Variants in NUS1 observed in about 807,000 individuals in gnomAD.
The protein encoded by NUS1 is dehydrodolichyl diphosphate synthase complex subunit NUS1.
For missense variants in NUS1, 292 were observed against 382.9 expected (o/e 0.76, Z 1.98); for synonymous variants, 135 against 155.2 (o/e 0.87, Z 0.97).
At chr6:117,703,420 T>A (rs943609286) in intron 3 of NUS1, among the ~76,000 whole-genome samples, 185 bp from the exon 4 acceptor site, 1 of 152,176 alleles carries the variant, frequency 6.6e-6, no homozygotes, top group South Asian at 2.1e-4. Context: ...AGCATAGATA[T>A]TAAAGTATGT....
intron 3 of NUS1, among the ~76,000 whole-genome samples, chr6:117,698,575 T>C (rs1773353829): frequency 6.6e-6 from 1 of 152,096 alleles, no homozygotes; most frequent in South Asian, 2.1e-4. Context: ...GCTTCATTGC[T>C]GGATTCTACC....
At chr6:117,699,804 AACAGAC>A (rs1429993310) in intron 3 of NUS1, among the ~76,000 whole-genome samples, 2 of 152,176 alleles carry the variant, frequency 1.3e-5, no homozygotes, top group African/African-American at 4.8e-5. Context: ...CTGGCATAAA[AACAGAC>A]ACAGAGAATA....
chr6:117,688,225 A>G (rs1773167070), intron 1 of NUS1, among the ~76,000 whole-genome samples: 1 of 152,178 alleles, frequency 6.6e-6, no homozygotes, highest in Non-Finnish European at 1.5e-5. Flanking sequence ...GTTTCTTAAA[A>G]ATATGTGTGT....
chr6:117,704,545 T>G (rs564272300), intron 4 of NUS1, among the ~76,000 whole-genome samples: 39 of 152,306 alleles, frequency 2.6e-4, no homozygotes, highest in Admixed American at 1.2e-3. Flanking sequence ...GATAAAACTT[T>G]GTTTACAAAA....
chr6:117,697,717 G>C (rs11754321), intron 3 of NUS1, among the ~76,000 whole-genome samples: 3,474 of 152,054 alleles, frequency 0.023, 48 homozygotes, highest in Non-Finnish European at 0.033. Flanking sequence ...ATAATAGCTG[G>C]AGACTTCAAC....
chr6:117,694,449 A>T (rs1472870092), intron 3 of NUS1, among the ~76,000 whole-genome samples: 2 of 151,964 alleles, frequency 1.3e-5, no homozygotes, highest in Non-Finnish European at 2.9e-5. Flanking sequence ...TGTAGTGATG[A>T]ATATTCTTGA....
At chr6:117,706,253 G>C (rs892739809) in intron 4 of NUS1, among the ~76,000 whole-genome samples, 1 of 152,140 alleles carries the variant, frequency 6.6e-6, no homozygotes, top group East Asian at 1.9e-4. Flanking sequence ...ATTGGAAATG[G>C]TGGAGGTAAG....
intron 1 of NUS1, among the ~76,000 whole-genome samples, chr6:117,679,800 T>C (rs1459840353): frequency 6.6e-6 from 1 of 152,194 alleles, no homozygotes; most frequent in Non-Finnish European, 1.5e-5. Flanking sequence ...CATGCAGTGT[T>C]ATTTTTGCTA....
At chr6:117,706,890 C>A in intron 4 of NUS1, 35 bp from the exon 5 acceptor site, 1 of 1,535,290 alleles carries the variant, frequency 6.5e-7, no homozygotes, top group Non-Finnish European at 9.0e-7. Flanking sequence ...CAGTGTATAT[C>A]TAATTGCTTT....
At chr6:117,676,566 G>A (rs557348152) in intron 1 of NUS1, among the ~76,000 whole-genome samples, 1 of 152,230 alleles carries the variant, frequency 6.6e-6, no homozygotes, top group African/African-American at 2.4e-5. Flanking sequence ...CAACAAGAGC[G>A]AAACTCTGTC....
At chr6:117,691,773 T>C (rs1458496739) in intron 1 of NUS1, among the ~76,000 whole-genome samples, 3 of 151,418 alleles carry the variant, frequency 2.0e-5, no homozygotes, top group Non-Finnish European at 2.9e-5. Context: ...ACAAAGATGA[T>C]CAAGGTAAGC....
chr6:117,685,918 C>T (rs950506766), intron 1 of NUS1, among the ~76,000 whole-genome samples: 1 of 150,348 alleles, frequency 6.7e-6, no homozygotes, highest in African/African-American at 2.5e-5. Context: ...GCCGAGATCG[C>T]GCCATTGCAC....
chr6:117,694,109 T>A lies in NUS1; in HGVS notation c.620T>A (p.Phe207Tyr). The A allele has an allele frequency of 6.2e-7, 1 of 1,612,814 alleles. No individual in the cohort carries two copies. The highest frequency in any genetic ancestry group is 1.1e-5 in the South Asian group (1 of 90,980). ...GATATTGTAAGAGCTGCTCAGGACT[T>A]TTGCCAGTTAGTAGCCCAGAAGCAA... is the stretch of plus-strand genomic sequence containing the variant. ...KADIVRAAQD[F>Y]CQLVAQKQKR... is the part of the protein sequence containing the mutation. Residue 207 changes from phenylalanine to tyrosine, a missense_variant, in exon 3 of 5, where the codon TTT (phenylalanine) becomes TAT (tyrosine). Transcript: ENST00000368494.
At chr6:117,699,257 C>T (rs933069401) in intron 3 of NUS1, among the ~76,000 whole-genome samples, 5 of 152,150 alleles carry the variant, frequency 3.3e-5, no homozygotes, top group South Asian at 2.1e-4. Context: ...AAGATTCCAC[C>T]GGACAACAAT....
chr6:117,706,849 G>C, intron 4 of NUS1, 76 bp from the exon 5 acceptor site: 1 of 1,131,974 alleles, frequency 8.8e-7, no homozygotes, highest in South Asian at 1.2e-5. Context: ...ACTTCTTTTT[G>C]GTCCTTATCT....
chr6:117,682,604 C>A (rs183475932), intron 1 of NUS1, among the ~76,000 whole-genome samples: 1 of 152,252 alleles, frequency 6.6e-6, no homozygotes, highest in Non-Finnish European at 1.5e-5. Flanking sequence ...ATCAATCAAT[C>A]AATAAATCAA....
chr6:117,693,312 T>C, intron 2 of NUS1, 145 bp downstream of exon 2: 1 of 972,982 alleles, frequency 1.0e-6, no homozygotes, highest in Non-Finnish European at 1.6e-6. Flanking sequence ...AGATTTAGAC[T>C]TTCTCGTCTT....
In NUS1 at chr6:117,694,123, G is replaced by A. The variant is rs1773282344; in HGVS notation, c.634G>A (p.Ala212Thr). ...RAAQDFCQLV[A>T]QKQKRPTDLD... ...TGCTCAGGACTTTTGCCAGTTAGTAGCCCAGAAGCAAAAGAGACCCACAGA... is the reference window on the plus strand; with the variant it reads ...TGCTCAGGACTTTTGCCAGTTAGTAACCCAGAAGCAAAAGAGACCCACAGA... The change falls in exon 3 of 5, where the codon GCC becomes ACC. Residue 212 changes from alanine to threonine, a missense_variant. Ala to Thr is a moderately conservative substitution (Grantham distance 58, BLOSUM62 0). Transcript: ENST00000368494. 2.5e-6 allele frequency: 4 copies of A among 1,612,222 alleles called. No individual in the cohort carries two copies. The South Asian group carries it at 4.4e-5, about 18-fold the overall frequency.
Position 117,686,249 on chromosome 6 carries a change from G to T in NUS1, c.416-6793G>T, listed in dbSNP as rs567865523. ...CACTCCAGCCTGGGCAACAGAGCAA[G>T]ATTCCGTCTAAAAAAAAAAAGCTCT... On this transcript the variant is annotated intron_variant, in intron 1 of 4. Coordinates refer to ENST00000368494, the MANE Select transcript of NUS1 (RefSeq NM_138459.5). Among the ~76,000 whole-genome samples the T allele has an allele frequency of 2.9e-3, 440 of 151,194 alleles. 4 individuals are homozygous for T. The highest frequency in any genetic ancestry group is 1.0e-2 in the African/African-American group (411 of 41,204).
Sources: gnomAD v4.1 joint callset for allele counts (sites outside exome capture counted in the v4.1 genomes callset) on GRCh38, gnomAD v4.1.1 for gene constraint, MANE v1.5 for transcripts, NCBI Gene and HGNC (gene_info 2026-07-23, HGNC 2026-07-21) for gene names.